NRXN1: variants seen among roughly 807,000 people sequenced by gnomAD.
NRXN1 encodes neurexin 1.
Under a neutral mutation model 150.9 loss-of-function variants are expected in NRXN1, and 39 were observed. That is an observed-to-expected ratio of 0.26 (90% CI 0.20 to 0.34). The LOEUF (loss-of-function observed/expected upper bound fraction) is 0.34. Ranked by LOEUF, NRXN1 falls within the 10% of genes least tolerant of loss-of-function variation. NRXN1 has a pLI of 1.00. For synonymous variants in NRXN1, 924 were observed against 757.0 expected (o/e 1.22, Z -3.62); for missense variants, 1,815 against 1,949.9 (o/e 0.93, Z 1.30).
At chr2:50,345,986 A>C (rs1451008083) in intron 17 of NRXN1, among the ~76,000 whole-genome samples, 1 of 152,216 alleles carries the variant, frequency 6.6e-6, no homozygotes, top group East Asian at 1.9e-4. Context: ...ATTACCAAGA[A>C]AAAGACATAT....
intron 8 of NRXN1, among the ~76,000 whole-genome samples, chr2:50,568,586 A>G (rs1318510191): frequency 1.3e-5 from 2 of 152,208 alleles, no homozygotes; most frequent in Admixed American, 1.3e-4. Flanking sequence ...CAAAACTGCA[A>G]TGAGATATCA....
rs546093133 is a variant in NRXN1 at position 50,304,946 on chromosome 2, C to T, written c.3365-67976G>A. ...GTCTACTAAAAATACAAAAATCAGC[C>T]GGGTGTGGTGGCGGGTGCCTGTAAT... is the stretch of plus-strand genomic sequence containing the variant. On this transcript the variant is annotated intron_variant, in intron 17 of 22. Coordinates refer to ENST00000401669, the MANE Select transcript of NRXN1 (RefSeq NM_001330078.2). Among the ~76,000 whole-genome samples, 31 of 152,014 alleles carry T rather than the reference C, an allele frequency of 2.0e-4. No homozygotes were observed. In the South Asian group the frequency reaches 5.0e-3, roughly 24 times the overall value.
chr2:50,720,725 G>C (rs1316300450), intron 5 of NRXN1, among the ~76,000 whole-genome samples: 2 of 152,264 alleles, frequency 1.3e-5, no homozygotes, highest in Non-Finnish European at 2.9e-5. Flanking sequence ...GAGATTCTCT[G>C]TTCCTGTTAT....
At chr2:50,702,444 TC>T (rs1044149173) in intron 5 of NRXN1, among the ~76,000 whole-genome samples, 1 of 151,966 alleles carries the variant, frequency 6.6e-6, no homozygotes, top group Non-Finnish European at 1.5e-5. Flanking sequence ...GACAAATAGC[TC>T]AGTTCTCTTT....
chr2:50,656,550 A>T, intron 5 of NRXN1: 1 of 579,868 alleles, frequency 1.7e-6, no homozygotes, highest in South Asian at 2.3e-5. Context: ...TTTATTTTGT[A>T]TACAAAAGAA....
chr2:50,828,711 G>A (rs1269630086), intron 5 of NRXN1, among the ~76,000 whole-genome samples: 1 of 151,758 alleles, frequency 6.6e-6, no homozygotes, highest in Non-Finnish European at 1.5e-5. Context: ...TAGATGGGAT[G>A]GCGGCCGGGC....
chr2:51,023,687 T>C (rs1273093779), intron 2 of NRXN1, among the ~76,000 whole-genome samples: 1 of 152,226 alleles, frequency 6.6e-6, no homozygotes, highest in Non-Finnish European at 1.5e-5. Flanking sequence ...AATAATTATT[T>C]CTGCACTACC....
At chr2:50,777,241 G>A (rs760400017) in intron 5 of NRXN1, among the ~76,000 whole-genome samples, 7 of 151,962 alleles carry the variant, frequency 4.6e-5, no homozygotes, top group Non-Finnish European at 1.0e-4. Context: ...TTGCCTTTTT[G>A]TAATATTACC....
chr2:50,221,357 T>G (rs1370607721), intron 18 of NRXN1, among the ~76,000 whole-genome samples: 1 of 152,046 alleles, frequency 6.6e-6, no homozygotes, highest in African/African-American at 2.4e-5. Context: ...AAGTTGCATC[T>G]GTTCAGCTAT....
At chr2:50,544,129 C>CAT (rs2093443664) in intron 9 of NRXN1, among the ~76,000 whole-genome samples, 1 of 152,014 alleles carries the variant, frequency 6.6e-6, no homozygotes, top group African/African-American at 2.4e-5. Context: ...TTCTGCTCCA[C>CAT]CTGTCCCTAC....
chr2:50,314,400 C>T (rs565061606), intron 17 of NRXN1, among the ~76,000 whole-genome samples: 36 of 152,066 alleles, frequency 2.4e-4, no homozygotes, highest in African/African-American at 7.5e-4. Context: ...ACACTCCATC[C>T]GGCCTTTCCC....
At chr2:49,933,486 T>G (rs1325746022) in intron 22 of NRXN1, among the ~76,000 whole-genome samples, 1 of 152,058 alleles carries the variant, frequency 6.6e-6, no homozygotes, top group Non-Finnish European at 1.5e-5. Context: ...GGAGTTAACA[T>G]TCCCACAGAA....
intron 18 of NRXN1, among the ~76,000 whole-genome samples, chr2:50,117,551 T>C (rs1703232872): frequency 6.6e-6 from 1 of 152,142 alleles, no homozygotes; most frequent in Non-Finnish European, 1.5e-5. Context: ...TAATACAGAA[T>C]AGACAAACAC....
intron 21 of NRXN1, among the ~76,000 whole-genome samples, chr2:49,999,623 T>A (rs773499287): frequency 3.3e-5 from 5 of 152,148 alleles, no homozygotes; most frequent in Non-Finnish European, 5.9e-5. Flanking sequence ...AATAAATCAG[T>A]ATAAATTTCA....
chr2:50,949,736 T>C (rs959379078), intron 2 of NRXN1, among the ~76,000 whole-genome samples: 3 of 152,080 alleles, frequency 2.0e-5, no homozygotes, highest in South Asian at 2.1e-4. Flanking sequence ...GAGGTCAAAA[T>C]AAAAACTTTT....
At chr2:51,006,319 C>T (rs563529773) in intron 2 of NRXN1, among the ~76,000 whole-genome samples, 22 of 150,926 alleles carry the variant, frequency 1.5e-4, no homozygotes, top group Non-Finnish European at 2.2e-4. Flanking sequence ...ACAGCATGTT[C>T]TCACTCATAG....
intron 19 of NRXN1, among the ~76,000 whole-genome samples, chr2:50,065,505 C>T (rs562506565): frequency 9.2e-5 from 14 of 152,202 alleles, no homozygotes; most frequent in Middle Eastern, 3.4e-3. Context: ...GGGGTGAGAT[C>T]GCCCTTATGG....
chr2:50,442,742 A>T (rs1215335504), intron 17 of NRXN1, among the ~76,000 whole-genome samples: 1 of 152,140 alleles, frequency 6.6e-6, no homozygotes, highest in African/African-American at 2.4e-5. Context: ...TTAAGTGAGG[A>T]GACTTCTGGA....
chr2:50,845,162 T>TAAA (rs1673456509), intron 5 of NRXN1, among the ~76,000 whole-genome samples: 1 of 152,104 alleles, frequency 6.6e-6, no homozygotes, highest in South Asian at 2.1e-4. Context: ...TCTCTGAATT[T>TAAA]AAAAAATTGC....
Sources: allele counts gnomAD v4.1 joint callset (sites outside exome capture counted in the v4.1 genomes callset), GRCh38; gene constraint gnomAD v4.1.1; transcripts MANE v1.5; gene names NCBI Gene and HGNC (gene_info 2026-07-23, HGNC 2026-07-21).